IFTAP: variants seen among roughly 807,000 people sequenced by gnomAD.
IFTAP encodes intraflagellar transport associated protein, also known as intraflagellar transport-associated protein.
Under a neutral mutation model 19.4 loss-of-function variants are expected in IFTAP, and 19 were observed. The observed-to-expected ratio is 0.98, with a 90% CI of 0.68 to 1.44. The LOEUF (loss-of-function observed/expected upper bound fraction) is 1.44. IFTAP is among the 40% of genes most tolerant of loss of function. The pLI is 0.00. For synonymous variants in IFTAP, 85 were observed against 83.5 expected, an observed-to-expected ratio of 1.02 and a Z score of -0.10; for missense variants, 240 against 253.6, an observed-to-expected ratio of 0.95 and a Z score of 0.36.
intron 2 of IFTAP, among the ~76,000 whole-genome samples, chr11:36,623,595 G>A (rs920164996): frequency 2.6e-5 from 4 of 152,162 alleles, no homozygotes; most frequent in Non-Finnish European, 5.9e-5. Flanking sequence ...CTGAAGGATT[G>A]TAGTGCATGT....
chr11:36,611,240 A>G (rs1366890997), intron 2 of IFTAP, among the ~76,000 whole-genome samples: 1 of 151,940 alleles, frequency 6.6e-6, no homozygotes, highest in African/African-American at 2.4e-5. Context: ...CTTGCTCTCA[A>G]CCTTGATCCT....
intron 5 of IFTAP, among the ~76,000 whole-genome samples, chr11:36,652,889 C>A (rs1014701615): frequency 6.6e-6 from 1 of 151,956 alleles, no homozygotes; most frequent in African/African-American, 2.4e-5. Flanking sequence ...GCCTTAGTTA[C>A]TTTATTTTGA....
chr11:36,653,266 C>A (rs751500069), intron 5 of IFTAP, among the ~76,000 whole-genome samples: 3 of 152,096 alleles, frequency 2.0e-5, no homozygotes, highest in African/African-American at 7.2e-5. Context: ...GAATAAGTCA[C>A]ATGAGAAATT....
intron 2 of IFTAP, among the ~76,000 whole-genome samples, chr11:36,623,473 T>G (rs1852385961): frequency 6.6e-6 from 1 of 151,976 alleles, no homozygotes; most frequent in Non-Finnish European, 1.5e-5. Flanking sequence ...GGATGATGGG[T>G]TATAGGAATA....
At chr11:36,646,243 T>C (rs896425732) in intron 4 of IFTAP, among the ~76,000 whole-genome samples, 4 of 152,292 alleles carry the variant, frequency 2.6e-5, no homozygotes, top group Non-Finnish European at 5.9e-5. Flanking sequence ...AGAATTGATT[T>C]TGATTTCACA....
intron 2 of IFTAP, among the ~76,000 whole-genome samples, chr11:36,615,251 A>G (rs1297574226): frequency 1.5e-5 from 1 of 68,492 alleles, no homozygotes; most frequent in Non-Finnish European, 2.7e-5. Context: ...GTTATTTCTG[A>G]GGGCTCTGTT....
rs1000558040 is a variant in IFTAP, at chr11:36,654,489, A to G, written c.499-4530A>G. Among the ~76,000 whole-genome samples the G allele has an allele frequency of 1.4e-4, 21 of 151,950 alleles. 1 individual carries two copies. The highest frequency in any genetic ancestry group is 1.3e-3 in the Admixed American group (20 of 15,236). On this transcript the variant is annotated intron_variant, in intron 5 of 5. Transcript: ENST00000334307. ...CCTGTGATTCTTTATGTATTTCTCAAATTGTGTTTTCCCCGACTCCTTTGG... is the reference window on the plus strand; with the variant it reads ...CCTGTGATTCTTTATGTATTTCTCAGATTGTGTTTTCCCCGACTCCTTTGG...
At chr11:36,609,835 A>G (rs1463671273) in intron 1 of IFTAP, among the ~76,000 whole-genome samples, 1 of 152,180 alleles carries the variant, frequency 6.6e-6, no homozygotes, top group African/African-American at 2.4e-5. Flanking sequence ...ATATATGACA[A>G]TATTCTTATG....
At chr11:36,602,698 G>T (rs935966772) in intron 1 of IFTAP, among the ~76,000 whole-genome samples, 8 of 152,018 alleles carry the variant, frequency 5.3e-5, no homozygotes. Flanking sequence ...GATCAGTTTT[G>T]GACATGGCTG....
At chr11:36,630,782 A>G (rs796346752) in intron 2 of IFTAP, among the ~76,000 whole-genome samples, 14 of 151,438 alleles carry the variant, frequency 9.2e-5, no homozygotes, top group African/African-American at 3.4e-4. Context: ...GATTTAGGTT[A>G]TACTTGATTT....
At chr11:36,655,531 G>T (rs1196723916) in intron 5 of IFTAP, among the ~76,000 whole-genome samples, 1 of 152,164 alleles carries the variant, frequency 6.6e-6, no homozygotes, top group Non-Finnish European at 1.5e-5. Flanking sequence ...AATTTAATAG[G>T]AATATAGAGT....
chr11:36,649,247 T>C (rs1160046280), intron 5 of IFTAP, among the ~76,000 whole-genome samples: 2 of 152,194 alleles, frequency 1.3e-5, no homozygotes, highest in Non-Finnish European at 2.9e-5. Flanking sequence ...TTCTAATAAG[T>C]ACTTTTGTTC....
intron 2 of IFTAP, among the ~76,000 whole-genome samples, chr11:36,631,361 T>C (rs1303199817): frequency 1.3e-5 from 2 of 151,424 alleles, no homozygotes; most frequent in Non-Finnish European, 2.9e-5. Context: ...CATATTTGTG[T>C]TTTCCCTCTC....
At chr11:36,658,858 ATAATT>A (rs1321949663) in intron 5 of IFTAP, among the ~76,000 whole-genome samples, 156 bp from the exon 6 acceptor site, 4 of 152,224 alleles carry the variant, frequency 2.6e-5, no homozygotes, top group Non-Finnish European at 5.9e-5. Flanking sequence ...GTCAAATTGA[ATAATT>A]AAATTTATTT....
intron 5 of IFTAP, among the ~76,000 whole-genome samples, chr11:36,656,716 C>T (rs1454582698): frequency 6.6e-6 from 1 of 151,940 alleles, no homozygotes; most frequent in Non-Finnish European, 1.5e-5. Context: ...GTTATGAAAC[C>T]TTGTAGACAC....
chr11:36,640,998 C>CT (rs1432064695), intron 4 of IFTAP, among the ~76,000 whole-genome samples: 1 of 152,068 alleles, frequency 6.6e-6, no homozygotes, highest in Non-Finnish European at 1.5e-5. Flanking sequence ...TTGAAAAACT[C>CT]TATGATTTTT....
At chr11:36,640,429 G>T (rs1208198536) in intron 4 of IFTAP, among the ~76,000 whole-genome samples, 1 of 152,064 alleles carries the variant, frequency 6.6e-6, no homozygotes, top group African/African-American at 2.4e-5. Context: ...TGATTTTTGT[G>T]TCAAAATAGT....
intron 5 of IFTAP, among the ~76,000 whole-genome samples, chr11:36,650,006 A>G (rs1853646823): frequency 6.6e-6 from 1 of 152,074 alleles, no homozygotes. Flanking sequence ...GGGATTAGGG[A>G]TGCTCAACTC....
chr11:36,651,919 G>T (rs900178112), intron 5 of IFTAP, among the ~76,000 whole-genome samples: 10 of 151,990 alleles, frequency 6.6e-5, no homozygotes, highest in South Asian at 2.1e-4. Flanking sequence ...TATATCTCTG[G>T]TTTGGTACCA....
Sources: allele counts gnomAD v4.1 joint callset (sites outside exome capture counted in the v4.1 genomes callset), GRCh38; gene constraint gnomAD v4.1.1; transcripts MANE v1.5; gene names NCBI Gene and HGNC (gene_info 2026-07-23, HGNC 2026-07-21).